The following CDH22 variants were observed in gnomAD, a reference collection of about 807,000 sequenced individuals.
CDH22 encodes cadherin-22.
Under a neutral mutation model 58.4 loss-of-function variants are expected in CDH22, and 30 were observed. The observed-to-expected ratio is 0.51, with a 90% confidence interval of 0.38 to 0.70. CDH22 has a LOEUF of 0.70. Ranked by LOEUF, CDH22 falls within the 30% of genes least tolerant of loss-of-function variation. CDH22 has a pLI of 0.00. For synonymous variants in CDH22, 513 were observed against 558.2 expected (o/e 0.92, Z 1.14); for missense variants, 1,014 against 1,233.9 (o/e 0.82, Z 2.67).
chr20:46,246,740 C>T (rs1224008853), intron 2 of CDH22, among the ~76,000 whole-genome samples: 4 of 152,042 alleles, frequency 2.6e-5, no homozygotes, highest in South Asian at 2.1e-4. Flanking sequence ...TACCGTCGGG[C>T]GCCCGGGGTT....
At position 46,199,519 on chromosome 20, in the gene CDH22, C is replaced by A; in HGVS notation, c.1327G>T (p.Asp443Tyr). 1.2e-6 allele frequency: 2 copies of A among 1,613,900 alleles called. No individual in the cohort carries two copies. The highest frequency in any genetic ancestry group is 1.7e-6 in the Non-Finnish European group (2 of 1,179,960). The change falls in exon 8 of 12, where the codon GAT (aspartate) becomes TAT (tyrosine). Residue 443 changes from aspartate (D) to tyrosine (Y), a missense_variant. By Grantham distance (160) the Asp-to-Tyr change is radical. Coordinates refer to ENST00000537909, the MANE Select transcript of CDH22 (RefSeq NM_021248.3). ...DRESDLDQIFDIDADTGAIVT... is the reference protein window; with the variant it reads ...DRESDLDQIFYIDADTGAIVT... ...ATGGCGCCTGTGTCCGCATCGATAT[C>A]GAAGATCTGGTCCAAATCTGATTCG...
At chr20:46,189,113 G>A (rs897195772) in intron 8 of CDH22, among the ~76,000 whole-genome samples, 2 of 152,192 alleles carry the variant, frequency 1.3e-5, no homozygotes, top group Non-Finnish European at 1.5e-5. Context: ...CTCCTGGGGG[G>A]GCGGGCGGCG....
intron 2 of CDH22, among the ~76,000 whole-genome samples, chr20:46,250,455 T>C (rs2086363167): frequency 6.6e-6 from 1 of 152,108 alleles, no homozygotes; most frequent in Non-Finnish European, 1.5e-5. Context: ...GAAAGTGGCA[T>C]TGGAGCTGTA....
intron 2 of CDH22, among the ~76,000 whole-genome samples, chr20:46,248,247 T>C (rs908581264): frequency 1.3e-5 from 2 of 152,006 alleles, no homozygotes; most frequent in African/African-American, 4.8e-5. Context: ...AAAGGCTAGG[T>C]AGGGGCAGAT....
chr20:46,248,838 A>G (rs1236858279), intron 2 of CDH22, among the ~76,000 whole-genome samples: 1 of 152,106 alleles, frequency 6.6e-6, no homozygotes, highest in Non-Finnish European at 1.5e-5. Context: ...AAAACCAACA[A>G]CAACAACAAC....
At chr20:46,293,056 T>C (rs1342618318) in intron 1 of CDH22, among the ~76,000 whole-genome samples, 6 of 152,066 alleles carry the variant, frequency 3.9e-5, no homozygotes. Flanking sequence ...ACAGAGTAGA[T>C]GCTCAGTATA....
At position 46,216,736 on chromosome 20, in the gene CDH22, G is replaced by C; in HGVS notation, c.838+90C>G. ...GGGGAAGCCCTTCTTTTGGTGGGAA[G>C]TCTAAAGGGAAGCTGGGGTCAGCAG... On this transcript the variant is annotated intron_variant, in intron 5 of 11. Coordinates refer to ENST00000537909, the MANE Select transcript of CDH22 (RefSeq NM_021248.3). This position sits in a 1 kb window ranked among gnomAD's most constrained non-coding sequence, Gnocchi z 5.3. 8.0e-7 allele frequency: 1 copy of C among 1,244,020 alleles called. No individual in the cohort carries two copies. Among genetic ancestry groups the C allele is most frequent in the African/African-American group, 1.5e-5 (1 of 67,666 alleles). The allele number at this position is 1,244,020 out of a possible 1,614,324, so 77.1% of individuals were successfully genotyped here.
rs1438700309 is a variant in CDH22 at position 46,210,239 on chromosome 20, G to A, written c.1286+68C>T. On this transcript the variant is annotated intron_variant, in intron 7 of 11. Coordinates refer to ENST00000537909, the MANE Select transcript of CDH22 (RefSeq NM_021248.3). The surrounding 1 kb of genome is among the most constrained non-coding windows in gnomAD (Gnocchi z 4.5). ...GCCCCAGCCCTCCTCCCCTCTGCCC[G>A]CAGTCTGTCCGCGGGGGTGATGGCG... 2 of 1,338,452 alleles carry A rather than the reference G, an allele frequency of 1.5e-6. No homozygotes were observed. Among genetic ancestry groups the A allele is most frequent in the Admixed American group, 4.0e-5 (1 of 25,104 alleles). The allele number at this position is 1,338,452 out of a possible 1,614,324, so 82.9% of individuals were successfully genotyped here.
rs1331227159 is a variant in CDH22 at position 46,300,989 on chromosome 20, T to C, written c.-400+7266A>G. Among the ~76,000 whole-genome samples, 4 of 152,146 alleles carry C rather than the reference T, an allele frequency of 2.6e-5. No homozygotes were observed. The highest frequency in any genetic ancestry group is 4.4e-5 in the Non-Finnish European group (3 of 68,030). ...AAATGATGATGTAGATGTATATTTATCGAAATGGCAAGACATTCACAATAT... is the reference window on the plus strand; with the variant it reads ...AAATGATGATGTAGATGTATATTTACCGAAATGGCAAGACATTCACAATAT... On this transcript the variant is annotated intron_variant, in intron 1 of 11. Coordinates refer to ENST00000537909, the MANE Select transcript of CDH22 (RefSeq NM_021248.3). This position sits in a 1 kb window ranked among gnomAD's most constrained non-coding sequence, Gnocchi z 4.4.
At chr20:46,270,686 T>G (rs1316167138) in intron 1 of CDH22, among the ~76,000 whole-genome samples, 1 of 152,110 alleles carries the variant, frequency 6.6e-6, no homozygotes, top group Non-Finnish European at 1.5e-5. Flanking sequence ...TGTGCAGGGG[T>G]GGTGAGACCC....
chr20:46,237,861 C>G (rs1359584212), intron 3 of CDH22, among the ~76,000 whole-genome samples: 1 of 152,172 alleles, frequency 6.6e-6, no homozygotes, highest in Non-Finnish European at 1.5e-5. Context: ...ACCTGGGAGC[C>G]ACGCCCAGCA....
chr20:46,175,155 C>T (rs2085729692), intron 11 of CDH22, 78 bp from the exon 12 acceptor site: 1 of 1,393,198 alleles, frequency 7.2e-7, no homozygotes, highest in Non-Finnish European at 9.7e-7. Context: ...CCCATCTCCT[C>T]CCGCCTCCCA....
At chr20:46,200,905 G>C (rs1193102807) in intron 7 of CDH22, among the ~76,000 whole-genome samples, 4 of 152,310 alleles carry the variant, frequency 2.6e-5, no homozygotes, top group Non-Finnish European at 5.9e-5. Flanking sequence ...CGCTGGGCGA[G>C]TGCCGTGGGA....
intron 1 of CDH22, among the ~76,000 whole-genome samples, chr20:46,301,603 G>T (rs1327770122): frequency 6.6e-6 from 1 of 151,928 alleles, no homozygotes; most frequent in African/African-American, 2.4e-5. Flanking sequence ...CAGAGGTCAG[G>T]AGCTCGAGAC....
chr20:46,190,260 A>G (rs2085853729), intron 8 of CDH22, among the ~76,000 whole-genome samples: 1 of 152,234 alleles, frequency 6.6e-6, no homozygotes. Flanking sequence ...AGGCCTTGTT[A>G]AACCCACTTT....
chr20:46,263,418 G>GTA (rs1314682766), intron 1 of CDH22, among the ~76,000 whole-genome samples: 2 of 151,628 alleles, frequency 1.3e-5, no homozygotes, highest in Non-Finnish European at 2.9e-5. Flanking sequence ...GTGTGTGTGT[G>GTA]TGTGTGTGTG....
intron 1 of CDH22, among the ~76,000 whole-genome samples, chr20:46,303,239 C>T (rs1022859480): frequency 6.6e-6 from 1 of 152,178 alleles, no homozygotes; most frequent in Non-Finnish European, 1.5e-5. Flanking sequence ...TGCTATTCTC[C>T]CTCCCCTTGG....
At chr20:46,280,291 G>T (rs1280042242) in intron 1 of CDH22, among the ~76,000 whole-genome samples, 1 of 152,144 alleles carries the variant, frequency 6.6e-6, no homozygotes, top group Non-Finnish European at 1.5e-5. Context: ...GTGGTGGTGT[G>T]GGCCTGTAGT....
At chr20:46,253,386 G>C (rs1398354555) in intron 1 of CDH22, among the ~76,000 whole-genome samples, 1 of 152,200 alleles carries the variant, frequency 6.6e-6, no homozygotes, top group East Asian at 1.9e-4. Flanking sequence ...GGCAATGAGA[G>C]TGGGAAAACG....
Sources: gnomAD v4.1 joint callset for allele counts (sites outside exome capture counted in the v4.1 genomes callset) on GRCh38, gnomAD v4.1.1 for gene constraint, Gnocchi (gnomAD v3.1) non-coding constraint, MANE v1.5 for transcripts, NCBI Gene and HGNC (gene_info 2026-07-23, HGNC 2026-07-21) for gene names.